FTO: variants seen among roughly 807,000 people sequenced by gnomAD.
The protein encoded by FTO is FTO alpha-ketoglutarate dependent dioxygenase, also known as alpha-ketoglutarate-dependent dioxygenase FTO.
Under a neutral mutation model 63.9 loss-of-function variants are expected in FTO, and 47 were observed. That is an observed-to-expected ratio of 0.74 (90% CI 0.58 to 0.94). The LOEUF (loss-of-function observed/expected upper bound fraction) is 0.94. FTO is among the 40% of genes least tolerant of loss of function. The pLI is 0.00. For missense variants in FTO, 562 were observed against 618.1 expected, an observed-to-expected ratio of 0.91 and a Z score of 0.96; for synonymous variants, 207 against 224.4, an observed-to-expected ratio of 0.92 and a Z score of 0.69.
At chr16:53,791,395 C>CT (rs1428681443) in intron 1 of FTO, among the ~76,000 whole-genome samples, 1 of 152,158 alleles carries the variant, frequency 6.6e-6, no homozygotes, top group Non-Finnish European at 1.5e-5. Context: ...ACTCTCCCAC[C>CT]TTTTTTTCTT....
At chr16:53,931,652 A>G (rs2082287188) in intron 7 of FTO, among the ~76,000 whole-genome samples, 1 of 152,056 alleles carries the variant, frequency 6.6e-6, no homozygotes, top group African/African-American at 2.4e-5. Flanking sequence ...CTTTAAGAAC[A>G]TGAAGTAGGG....
At chr16:53,715,194 C>T (rs943009415) in intron 1 of FTO, among the ~76,000 whole-genome samples, 1 of 152,168 alleles carries the variant, frequency 6.6e-6, no homozygotes, top group African/African-American at 2.4e-5. Flanking sequence ...TCCCTTGCAA[C>T]ACTGAGTGCT....
intron 8 of FTO, among the ~76,000 whole-genome samples, chr16:53,978,874 C>T (rs2083482122): frequency 6.6e-6 from 1 of 151,958 alleles, no homozygotes; most frequent in South Asian, 2.1e-4. Flanking sequence ...GCACACGTGC[C>T]TGTAATCCCA....
At chr16:53,821,507 T>G (rs1011935087) in intron 2 of FTO, among the ~76,000 whole-genome samples, 2 of 152,240 alleles carry the variant, frequency 1.3e-5, no homozygotes, top group African/African-American at 4.8e-5. Context: ...TATCACTGTT[T>G]CTGTTTTCCA....
chr16:53,985,926 A>T (rs2083656798), intron 8 of FTO, among the ~76,000 whole-genome samples: 1 of 152,242 alleles, frequency 6.6e-6, no homozygotes, highest in Non-Finnish European at 1.5e-5. Flanking sequence ...TTTAGCAGAG[A>T]TGTTTCCTTT....
At chr16:53,894,590 A>G (rs572221439) in intron 7 of FTO, among the ~76,000 whole-genome samples, 1 of 151,966 alleles carries the variant, frequency 6.6e-6, no homozygotes, top group African/African-American at 2.4e-5. Context: ...AAATATAAAT[A>G]TCGAATTTTT....
chr16:53,933,947 T>G (rs1156922002), intron 7 of FTO, 38 bp from the exon 8 acceptor site: 1 of 1,605,178 alleles, frequency 6.2e-7, no homozygotes, highest in African/African-American at 1.3e-5. Context: ...TATTAATTTT[T>G]CACTTTTTCT....
intron 3 of FTO, among the ~76,000 whole-genome samples, chr16:53,837,260 G>A (rs2079324490): frequency 6.6e-6 from 1 of 152,130 alleles, no homozygotes; most frequent in Non-Finnish European, 1.5e-5. Flanking sequence ...CCTCTGTAAT[G>A]TAAATATTTT....
chr16:53,881,531 A>T (rs2080836406), intron 6 of FTO, among the ~76,000 whole-genome samples: 1 of 152,222 alleles, frequency 6.6e-6, no homozygotes, highest in African/African-American at 2.4e-5. Flanking sequence ...CATGAAGAAT[A>T]GTCTCCCAGC....
intron 1 of FTO, among the ~76,000 whole-genome samples, chr16:53,721,047 C>G (rs2076027644): frequency 6.6e-6 from 1 of 152,140 alleles, no homozygotes; most frequent in Non-Finnish European, 1.5e-5. Context: ...GCCTTGGTCT[C>G]CCAAAGTCCT....
At chr16:53,728,199 A>G (rs1348750869) in intron 1 of FTO, among the ~76,000 whole-genome samples, 2 of 152,056 alleles carry the variant, frequency 1.3e-5, no homozygotes, top group Non-Finnish European at 2.9e-5. Context: ...TGATCACGCC[A>G]TTGCACTCCA....
intron 1 of FTO, among the ~76,000 whole-genome samples, chr16:53,791,868 T>G (rs2077923307): frequency 6.6e-6 from 1 of 152,130 alleles, no homozygotes; most frequent in Non-Finnish European, 1.5e-5. Flanking sequence ...GGTCAGGAGA[T>G]CGAGACCATC....
intron 1 of FTO, among the ~76,000 whole-genome samples, chr16:53,798,926 G>A (rs1194887446): frequency 2.6e-5 from 4 of 152,096 alleles, no homozygotes; most frequent in Admixed American, 1.3e-4. Context: ...GTAGTTTACC[G>A]AGTGTGTTTA....
At chr16:53,874,517 T>C (rs2080592339) in intron 5 of FTO, among the ~76,000 whole-genome samples, 1 of 152,208 alleles carries the variant, frequency 6.6e-6, no homozygotes, top group Admixed American at 6.5e-5. Flanking sequence ...GAGCAAGGCA[T>C]GAAAGGGATT....
chr16:53,861,055 A>G (rs958760900), intron 4 of FTO, among the ~76,000 whole-genome samples: 7 of 152,216 alleles, frequency 4.6e-5, no homozygotes, highest in Non-Finnish European at 8.8e-5. Context: ...AAAGTTCAGA[A>G]AATGTTTTAA....
At chr16:53,929,686 C>G (rs184445793) in intron 7 of FTO, among the ~76,000 whole-genome samples, 3 of 152,270 alleles carry the variant, frequency 2.0e-5, no homozygotes, top group Admixed American at 2.0e-4. Context: ...AACTTAAATG[C>G]TATTTTAGAT....
At chr16:54,066,396 A>T (rs1430348516) in intron 8 of FTO, among the ~76,000 whole-genome samples, 1 of 152,192 alleles carries the variant, frequency 6.6e-6, no homozygotes, top group African/African-American at 2.4e-5. Context: ...TTACACGAGG[A>T]CTAACTCCAC....
intron 8 of FTO, among the ~76,000 whole-genome samples, chr16:53,938,352 A>G (rs773178433): frequency 2.0e-5 from 3 of 152,256 alleles, no homozygotes; most frequent in African/African-American, 2.4e-5. Context: ...TGGGGTCACT[A>G]TACGCTATTC....
intron 8 of FTO, among the ~76,000 whole-genome samples, chr16:54,094,018 A>T (rs1335884955): frequency 2.0e-5 from 3 of 152,140 alleles, no homozygotes; most frequent in Non-Finnish European, 4.4e-5. Context: ...AGGTCACCCC[A>T]CAAGCAAACA....
Sources: gnomAD v4.1 joint callset for allele counts (sites outside exome capture counted in the v4.1 genomes callset) on GRCh38, gnomAD v4.1.1 for gene constraint, MANE v1.5 for transcripts, NCBI Gene and HGNC (gene_info 2026-07-23, HGNC 2026-07-21) for gene names.